The following DCAF8 variants were observed in gnomAD, a reference collection of about 807,000 sequenced individuals.
The protein encoded by DCAF8 is DDB1 and CUL4 associated factor 8.
A neutral mutation model predicts 68.0 loss-of-function variants in DCAF8; 20 were observed. The ratio of observed to expected loss-of-function variants is 0.29; its 90% CI spans 0.21 to 0.43. The LOEUF is 0.43. Ranked by LOEUF, DCAF8 falls within the 20% of genes least tolerant of loss-of-function variation. DCAF8 has a pLI of 1.00. For missense variants in DCAF8, 460 were observed against 771.0 expected, an observed-to-expected ratio of 0.60 and a Z score of 4.78; for synonymous variants, 230 against 276.9, an observed-to-expected ratio of 0.83 and a Z score of 1.68.
At chr1:160,221,858 AC>A (rs1413421127) in intron 11 of DCAF8, among the ~76,000 whole-genome samples, 1 of 151,294 alleles carries the variant, frequency 6.6e-6, no homozygotes, top group African/African-American at 2.4e-5. Context: ...TTAACCAGAT[AC>A]ATCTTAAGAG....
rs1655370939 is a variant in DCAF8 at position 160,223,655 on chromosome 1, TG to T, written c.1309+786del. ...GATTGGTGGCTCATGCCCAGCACTTTGGGAAGTCGAGGCAGGCGGATCACTT... is the reference window on the plus strand; with the variant it reads ...GATTGGTGGCTCATGCCCAGCACTTTGGAAGTCGAGGCAGGCGGATCACTT... On this transcript the variant is annotated intron_variant, in intron 10 of 13. Coordinates refer to ENST00000368074, the MANE Select transcript of DCAF8 (RefSeq NM_015726.4). Among the ~76,000 whole-genome samples the T allele has an allele frequency of 2.0e-5, 3 of 152,302 alleles. No homozygotes were observed. The South Asian group carries it at 6.2e-4, about 32-fold the overall frequency.
In DCAF8 at chr1:160,222,688, T is replaced by C. The variant is rs1655338474; in HGVS notation, c.1403A>G (p.Gln468Arg). The C allele has an allele frequency of 6.2e-7, 1 of 1,614,042 alleles. No homozygotes were observed. The highest frequency in any genetic ancestry group is 8.5e-7 in the Non-Finnish European group (1 of 1,180,030). Residue 468 changes from glutamine (Q) to arginine (R), a missense_variant, in exon 11 of 14, where the codon CAG becomes CGG. Physicochemically the swap from Gln to Arg is conservative, Grantham distance 43. Transcript: ENST00000368074. Reference protein sequence around the residue: ...HIFLWEKSSCQIIQFMEGDKG... With the variant: ...HIFLWEKSSCRIIQFMEGDKG... Reference sequence around the variant, plus strand: ...GTCCCCCTCCATGAACTGAATAATCTGGCAGGATGATTTCTCCCAGAGGAA... The same window carrying C: ...GTCCCCCTCCATGAACTGAATAATCCGGCAGGATGATTTCTCCCAGAGGAA...
At chr1:160,224,055 T>C (rs747563431) in intron 10 of DCAF8, among the ~76,000 whole-genome samples, 15 of 152,194 alleles carry the variant, frequency 9.9e-5, no homozygotes, top group Non-Finnish European at 1.9e-4. Flanking sequence ...TCTAAAAGAA[T>C]TGTTTACTCC....
chr1:160,237,274 T>C, intron 5 of DCAF8, 45 bp from the exon 6 acceptor site: 2 of 1,334,852 alleles, frequency 1.5e-6, no homozygotes, highest in Non-Finnish European at 1.0e-6. Context: ...AATATTAGAA[T>C]TAGAGGTCAT....
At chr1:160,244,835 G>A (rs939094902) in intron 2 of DCAF8, among the ~76,000 whole-genome samples, 9 of 151,986 alleles carry the variant, frequency 5.9e-5, no homozygotes, top group Admixed American at 5.9e-4. Context: ...GGATGGTCTC[G>A]ATCTCCCGAG....
At chr1:160,249,710 T>A (rs1016564499) in intron 2 of DCAF8, among the ~76,000 whole-genome samples, 1 of 152,194 alleles carries the variant, frequency 6.6e-6, no homozygotes, top group Non-Finnish European at 1.5e-5. Context: ...GTTTTAATAG[T>A]TTTACTTAAA....
Position 160,262,541 on chromosome 1 carries a change from G to A in DCAF8, c.-193C>T. 5.0e-6 allele frequency: 2 copies of A among 398,862 alleles called. No individual in the cohort carries two copies. The highest frequency in any genetic ancestry group is 3.6e-5 in the East Asian group (1 of 28,078). The allele number at this position is 398,862 out of a possible 1,614,324, so 24.7% of individuals were successfully genotyped here. A position where few individuals can be genotyped will look rare whatever the true frequency, so the allele number is the denominator to read the frequency against. ...CGGCCCCGTTTGCGACGATGTGCTC[G>A]AGAAGACTGAGGGAAGAGTGGTCGC... On this transcript the variant is annotated 5_prime_UTR_variant, in exon 1 of 14. Coordinates refer to ENST00000368074, the MANE Select transcript of DCAF8 (RefSeq NM_015726.4).
In DCAF8 at chr1:160,240,105, C is replaced by T. The variant is rs1557836300; in HGVS notation, c.315G>A (p.Glu105=). 2 of 1,595,888 alleles carry T rather than the reference C, an allele frequency of 1.3e-6. No homozygotes were observed. Among genetic ancestry groups the T allele is most frequent in the Non-Finnish European group, 1.7e-6 (2 of 1,163,792 alleles). ...GCTGCTCTTCTTCCTCCTCTTCTTC[C>T]TCCTCTTCCTCTTCCTCTGAGCGGT... ...VHDRSEEEEE[E]EEEEEEEQPR... The change falls in exon 4 of 14, where the codon GAG becomes GAA. Residue 105 remains glutamate, a synonymous_variant. Coordinates refer to ENST00000368074, the MANE Select transcript of DCAF8 (RefSeq NM_015726.4).
At chr1:160,260,062 T>A (rs1238687506) in intron 2 of DCAF8, among the ~76,000 whole-genome samples, 1 of 151,530 alleles carries the variant, frequency 6.6e-6, no homozygotes. Flanking sequence ...GTATAACTTA[T>A]TCAAAGCTGT....
chr1:160,218,530 G>T, intron 12 of DCAF8, 90 bp from the exon 13 acceptor site: 1 of 1,023,542 alleles, frequency 9.8e-7, no homozygotes, highest in Non-Finnish European at 1.5e-6. Context: ...CCCAATAAAA[G>T]CTTCCCTTAA....
chr1:160,244,414 G>A (rs1425395458), intron 2 of DCAF8, among the ~76,000 whole-genome samples: 1 of 152,102 alleles, frequency 6.6e-6, no homozygotes, highest in Non-Finnish European at 1.5e-5. Context: ...CTTCAGCATT[G>A]CCCCCTAGGC....
intron 10 of DCAF8, among the ~76,000 whole-genome samples, chr1:160,223,258 C>T (rs1291577324): frequency 6.6e-6 from 1 of 152,190 alleles, no homozygotes; most frequent in Non-Finnish European, 1.5e-5. Flanking sequence ...TAACAGGGCT[C>T]CACTCTCCGG....
intron 6 of DCAF8, 75 bp from the exon 7 acceptor site, chr1:160,231,482 G>C: frequency 1.0e-6 from 1 of 987,786 alleles, no homozygotes; most frequent in Non-Finnish European, 1.6e-6. Context: ...AGAGCCAAGA[G>C]AGTCACATGG....
intron 6 of DCAF8, among the ~76,000 whole-genome samples, chr1:160,236,397 C>T (rs1241078127): frequency 2.0e-5 from 3 of 148,990 alleles, no homozygotes; most frequent in African/African-American, 7.6e-5. Flanking sequence ...TATATGTGTA[C>T]ATGTGTATAT....
intron 12 of DCAF8, 124 bp downstream of exon 12, chr1:160,218,725 G>T (rs915607987): frequency 1.6e-5 from 22 of 1,400,338 alleles, no homozygotes; most frequent in East Asian, 1.2e-4. Context: ...ACAGGAATGT[G>T]GGGGAGGGTG....
intron 6 of DCAF8, among the ~76,000 whole-genome samples, chr1:160,235,215 C>T (rs1216323274): frequency 2.0e-5 from 3 of 151,940 alleles, no homozygotes; most frequent in Non-Finnish European, 2.9e-5. Flanking sequence ...CTCACTGCAA[C>T]CTCCACCTCC....
chr1:160,248,375 G>A (rs1272053294), intron 2 of DCAF8, among the ~76,000 whole-genome samples: 1 of 152,092 alleles, frequency 6.6e-6, no homozygotes, highest in African/African-American at 2.4e-5. Context: ...GCTACAGACT[G>A]GAAGAAAGTA....
Position 160,225,116 on chromosome 1 carries a change from T to A in DCAF8, c.1147A>T (p.Asn383Tyr). The change falls in exon 9 of 14, where the codon AAC becomes TAC. Residue 383 changes from asparagine to tyrosine, a missense_variant. Asn to Tyr is a moderately radical substitution (Grantham distance 143, BLOSUM62 -2). Coordinates refer to ENST00000368074, the MANE Select transcript of DCAF8 (RefSeq NM_015726.4). ...LKKFCPHHLV[N>Y]SESKANITCL... ...GTGATGTTTGCTTTGGACTCACTGT[T>A]CACCTGCAATAAGGAGCAGATACTG... 6.2e-7 allele frequency: 1 copy of A among 1,614,084 alleles called. No individual in the cohort carries two copies. Among genetic ancestry groups the A allele is most frequent in the South Asian group, 1.1e-5 (1 of 91,048 alleles).
intron 1 of DCAF8, chr1:160,262,003 G>T: frequency 4.8e-6 from 1 of 209,122 alleles, no homozygotes; most frequent in Non-Finnish European, 9.5e-6. Context: ...CGCAGGGCGA[G>T]CCGTGTCCCT....
Sources: gnomAD v4.1 joint callset for allele counts (sites outside exome capture counted in the v4.1 genomes callset) on GRCh38, gnomAD v4.1.1 for gene constraint, MANE v1.5 for transcripts, NCBI Gene and HGNC (gene_info 2026-07-23, HGNC 2026-07-21) for gene names.